Variants in SCN11A observed in about 807,000 individuals in gnomAD.
SCN11A encodes the protein sodium voltage-gated channel alpha subunit 11.
Under a neutral mutation model 162.2 loss-of-function variants are expected in SCN11A, and 122 were observed. The observed-to-expected ratio is 0.75, with a 90% CI of 0.65 to 0.87. SCN11A has a LOEUF of 0.87. Among genes scored for constraint, SCN11A ranks in the 40% least tolerant of loss-of-function variants. The pLI is 0.00. For missense variants in SCN11A, 2,015 were observed against 2,181.6 expected, an observed-to-expected ratio of 0.92 and a Z score of 1.52; for synonymous variants, 758 against 751.5, an observed-to-expected ratio of 1.01 and a Z score of -0.14.
intron 1 of SCN11A, among the ~76,000 whole-genome samples, chr3:39,037,400 A>T (rs147686411): frequency 2.3e-4 from 35 of 152,270 alleles, no homozygotes; most frequent in Non-Finnish European, 4.7e-4. Context: ...GAATGAATAA[A>T]ACCTAGTATT....
At chr3:38,855,668 C>A (rs1291937292) in intron 28 of SCN11A, among the ~76,000 whole-genome samples, 2 of 152,194 alleles carry the variant, frequency 1.3e-5, no homozygotes, top group African/African-American at 4.8e-5. Context: ...GAGAAAACGA[C>A]AGCTAATTCT....
chr3:38,870,494 G>T lies in SCN11A; in HGVS notation c.3813+197C>A, dbSNP rs2065107732. On this transcript the variant is annotated intron_variant, in intron 26 of 29. Transcript: ENST00000302328. ...AAGACTGGACTTCAGAGAATACTGG[G>T]GTATCAGATACTCACTAGAGGATGC... 2.0e-5 allele frequency among the ~76,000 whole-genome samples: 3 copies of T among 152,104 alleles called. No homozygotes were observed. In the South Asian group the frequency reaches 6.2e-4, roughly 32 times the overall value.
intron 2 of SCN11A, among the ~76,000 whole-genome samples, chr3:39,013,310 T>G (rs1297235340): frequency 6.6e-6 from 1 of 152,246 alleles, no homozygotes; most frequent in East Asian, 1.9e-4. Flanking sequence ...ACATGCTTAG[T>G]TCACACAAAC....
Position 38,950,403 on chromosome 3 carries a change from A to G in SCN11A, c.-7-34T>C, listed in dbSNP as rs141280412. On this transcript the variant is annotated intron_variant, in intron 4 of 29. Transcript: ENST00000302328. ...AGAGACAAGCCACAGATCCTCAGAA[A>G]GGCCTCAGGAGGCGGGAATAAAACA... 5.6e-5 allele frequency: 90 copies of G among 1,605,216 alleles called. 1 individual carries two copies. In the South Asian group the frequency reaches 9.7e-4, roughly 17 times the overall value.
intron 16 of SCN11A, among the ~76,000 whole-genome samples, chr3:38,901,021 G>GA (rs1441033469): frequency 6.6e-6 from 1 of 151,872 alleles, no homozygotes; most frequent in East Asian, 1.9e-4. Flanking sequence ...AAATAGAAAT[G>GA]AAAAAAGCAA....
At chr3:39,041,785 C>T (rs1480819756) in intron 1 of SCN11A, among the ~76,000 whole-genome samples, 3 of 151,426 alleles carry the variant, frequency 2.0e-5, no homozygotes, top group Non-Finnish European at 4.4e-5. Context: ...AAAAGATACA[C>T]AAATGAGAAA....
chr3:38,916,404 T>A (rs2065961491), intron 11 of SCN11A, among the ~76,000 whole-genome samples: 1 of 152,214 alleles, frequency 6.6e-6, no homozygotes, highest in Non-Finnish European at 1.5e-5. Context: ...ATCTTCATGA[T>A]CCTTATTCTT....
At chr3:38,931,964 A>G (rs2066248121) in intron 7 of SCN11A, among the ~76,000 whole-genome samples, 2 of 152,234 alleles carry the variant, frequency 1.3e-5, no homozygotes, top group African/African-American at 4.8e-5. Context: ...AAGTACAGCT[A>G]CAAGGGTAAC....
chr3:39,010,385 C>T (rs67641245), intron 2 of SCN11A, among the ~76,000 whole-genome samples: 17,423 of 79,794 alleles, frequency 0.22, 1,349 homozygotes, highest in African/African-American at 0.48. Flanking sequence ...TTTCTTTTTT[C>T]TTTTTTTTTT....
chr3:38,972,221 G>A (rs1315285784), intron 2 of SCN11A, among the ~76,000 whole-genome samples: 2 of 152,170 alleles, frequency 1.3e-5, no homozygotes, highest in South Asian at 2.1e-4. Flanking sequence ...AGTGATGGGG[G>A]AGCCTTGGAA....
chr3:39,050,722 T>C (rs1276382732), intron 1 of SCN11A, among the ~76,000 whole-genome samples: 2 of 152,230 alleles, frequency 1.3e-5, no homozygotes, highest in Non-Finnish European at 2.9e-5. Context: ...ATAAATTTTA[T>C]TTAGCCTAAT....
At chr3:39,004,628 A>C (rs1172115831) in intron 2 of SCN11A, among the ~76,000 whole-genome samples, 2 of 152,118 alleles carry the variant, frequency 1.3e-5, no homozygotes, top group Non-Finnish European at 2.9e-5. Flanking sequence ...GGCCATTTTA[A>C]TGATATTGAC....
intron 14 of SCN11A, among the ~76,000 whole-genome samples, chr3:38,906,459 T>C (rs1292583081): frequency 1.3e-5 from 2 of 152,118 alleles, no homozygotes; most frequent in African/African-American, 4.8e-5. Context: ...GAGCCATCTT[T>C]CCACTCCCAA....
chr3:38,946,852 G>T lies in SCN11A; in HGVS notation c.323C>A (p.Ala108Asp). ...ATTGAAAGGCCCAAAAATGAACAAG[G>T]CATGCTTGGCACTGAAGCGGTAGAT... is the stretch of plus-strand genomic sequence containing the variant. ...RTIYRFSAKH[A>D]LFIFGPFNSI... Residue 108 changes from alanine (A) to aspartate (D), a missense_variant, in exon 6 of 30, where the codon GCC (alanine) becomes GAC (aspartate). By Grantham distance (126) the Ala-to-Asp change is moderately radical (BLOSUM62 -2). Transcript: ENST00000302328. 2 of 1,613,900 alleles carry T rather than the reference G, an allele frequency of 1.2e-6. No homozygotes were observed. The highest frequency in any genetic ancestry group is 2.2e-5 in the South Asian group (2 of 91,048).
At chr3:38,991,269 A>C (rs925642955) in intron 2 of SCN11A, among the ~76,000 whole-genome samples, 9 of 152,180 alleles carry the variant, frequency 5.9e-5, no homozygotes, top group Admixed American at 3.9e-4. Context: ...AAGGAGAAGA[A>C]GACCAAGCCA....
At chr3:38,860,434 A>G (rs2064945190) in intron 28 of SCN11A, among the ~76,000 whole-genome samples, 1 of 152,146 alleles carries the variant, frequency 6.6e-6, no homozygotes. Flanking sequence ...GAAAGGACAC[A>G]ACAAAAAAGA....
chr3:38,933,307 G>C (rs2066275306), intron 7 of SCN11A, among the ~76,000 whole-genome samples: 1 of 152,096 alleles, frequency 6.6e-6, no homozygotes, highest in Non-Finnish European at 1.5e-5. Context: ...AACTCTAAAA[G>C]GCAGAGCACC....
In SCN11A at chr3:38,946,768, A is replaced by G. The variant is rs368757229; in HGVS notation, c.386+21T>C. ...CTTTTCAAATGATCTGGACTTAGTA[A>G]AAGGTGCAATGAAAGGATATGAATG... On this transcript the variant is annotated intron_variant, in intron 6 of 29. Coordinates refer to ENST00000302328, the MANE Select transcript of SCN11A (RefSeq NM_001349253.2). 2.2e-5 allele frequency: 33 copies of G among 1,482,232 alleles called. No homozygotes were observed. In the African/African-American group the frequency reaches 3.6e-4, roughly 16 times the overall value. 91.8% of individuals were successfully genotyped at this position (1,482,232 alleles called of 1,614,324 possible).
intron 19 of SCN11A, among the ~76,000 whole-genome samples, chr3:38,892,676 T>C (rs999840805): frequency 9.9e-5 from 15 of 152,070 alleles, no homozygotes; most frequent in African/African-American, 3.1e-4. Flanking sequence ...AAAAAAGTTG[T>C]TTGGGTTTTA....
Sources: gnomAD v4.1 joint callset for allele counts (sites outside exome capture counted in the v4.1 genomes callset) on GRCh38, gnomAD v4.1.1 for gene constraint, MANE v1.5 for transcripts, NCBI Gene and HGNC (gene_info 2026-07-23, HGNC 2026-07-21) for gene names.